The following ANO3 variants were observed in gnomAD, a reference collection of about 807,000 sequenced individuals.
ANO3 encodes the protein anoctamin-3.
A neutral mutation model predicts 144.8 loss-of-function variants in ANO3; 99 were observed. The observed-to-expected ratio is 0.68, with a 90% CI of 0.58 to 0.81. The LOEUF is 0.81. ANO3 is among the 30% of genes least tolerant of loss of function. The pLI, the probability that ANO3 is intolerant of heterozygous loss-of-function variation, is 0.00. For missense variants in ANO3, 905 were observed against 1,202.2 expected (o/e 0.75, Z 3.66); for synonymous variants, 414 against 392.6 (o/e 1.05, Z -0.64).
intron 1 of ANO3, among the ~76,000 whole-genome samples, chr11:26,296,394 G>A (rs1178504269): frequency 6.6e-6 from 1 of 152,134 alleles, no homozygotes; most frequent in Non-Finnish European, 1.5e-5. Context: ...TGCTTTGGGG[G>A]ATTATGAATA....
At chr11:26,240,478 G>A (rs1852639263) in intron 1 of ANO3, among the ~76,000 whole-genome samples, 1 of 152,132 alleles carries the variant, frequency 6.6e-6, no homozygotes, top group African/African-American at 2.4e-5. Context: ...GTATGTGAAA[G>A]CTGAAAACTG....
intron 1 of ANO3, among the ~76,000 whole-genome samples, chr11:26,222,777 C>T (rs569984622): frequency 1.4e-4 from 22 of 152,214 alleles, no homozygotes; most frequent in Non-Finnish European, 2.6e-4. Flanking sequence ...TCCCCTTGAA[C>T]TGAGGCTAGA....
At position 26,598,365 on chromosome 11, in the gene ANO3, C is replaced by T; in HGVS notation, c.1448C>T (p.Ala483Val). The change falls in exon 15 of 27, where the codon GCC (alanine) becomes GTC (valine). Residue 483 changes from alanine (A) to valine (V), a missense_variant and splice_region_variant. Ala to Val is a moderately conservative substitution (Grantham distance 64). Around this residue, in one of 4 missense-constraint regions of ANO3, gnomAD observed 597 missense variants for 865.1 expected, o/e 0.69. Transcript: ENST00000256737. ...GAATTATCATTTTTATATTTTATAGCCACAGTCTTCCTGGAGTTTTGGAAA... is the reference window on the plus strand; with the variant it reads ...GAATTATCATTTTTATATTTTATAGTCACAGTCTTCCTGGAGTTTTGGAAA... ...VFFAIFMAIW[A>V]TVFLEFWKRR... 6.6e-7 allele frequency: 1 copy of T among 1,514,078 alleles called. No individual in the cohort carries two copies. The highest frequency in any genetic ancestry group is 8.9e-7 in the Non-Finnish European group (1 of 1,128,114). 93.8% of individuals were successfully genotyped at this position (1,514,078 alleles called of 1,614,324 possible).
intron 14 of ANO3, among the ~76,000 whole-genome samples, chr11:26,597,666 G>C (rs886538517): frequency 2.6e-5 from 4 of 152,178 alleles, no homozygotes; most frequent in Non-Finnish European, 4.4e-5. Context: ...GGGACCCAAA[G>C]AGGGTTGCCC....
chr11:26,219,561 G>A (rs188678161), intron 1 of ANO3, among the ~76,000 whole-genome samples: 3 of 152,028 alleles, frequency 2.0e-5, no homozygotes, highest in Non-Finnish European at 2.9e-5. Context: ...ACCAATTTTC[G>A]TGGCTGGGGA....
chr11:26,517,469 C>T (rs182831830), intron 6 of ANO3, among the ~76,000 whole-genome samples: 13 of 152,098 alleles, frequency 8.5e-5, no homozygotes, highest in Non-Finnish European at 1.8e-4. Flanking sequence ...AATAGACATC[C>T]GTTTCCCTAT....
chr11:26,489,765 T>C (rs1463974827), intron 4 of ANO3, among the ~76,000 whole-genome samples: 1 of 152,200 alleles, frequency 6.6e-6, no homozygotes, highest in Non-Finnish European at 1.5e-5. Context: ...TTGACTTGCA[T>C]GGGCCCTGTA....
At chr11:26,256,904 G>A (rs1270187445) in intron 1 of ANO3, among the ~76,000 whole-genome samples, 1 of 151,950 alleles carries the variant, frequency 6.6e-6, no homozygotes, top group African/African-American at 2.4e-5. Flanking sequence ...TGTTACCACA[G>A]GAAAGGCAGA....
chr11:26,318,901 T>C (rs1854691085), intron 1 of ANO3, among the ~76,000 whole-genome samples: 1 of 152,212 alleles, frequency 6.6e-6, no homozygotes, highest in Non-Finnish European at 1.5e-5. Flanking sequence ...TACCCATACA[T>C]ATACATAATT....
At chr11:26,496,208 CT>C (rs755408244) in intron 4 of ANO3, among the ~76,000 whole-genome samples, 2 of 152,180 alleles carry the variant, frequency 1.3e-5, no homozygotes, top group African/African-American at 2.4e-5. Flanking sequence ...GCTTTTCCTT[CT>C]TTTCAGGCAC....
rs568748410 is a variant in ANO3, at chr11:26,376,718, G to A, written c.46+44397G>A. Among the ~76,000 whole-genome samples, 368 of 152,106 alleles carry A rather than the reference G, an allele frequency of 2.4e-3. 3 individuals are homozygous for A. Among genetic ancestry groups the A allele is most frequent in the Non-Finnish European group, 3.8e-3 (260 of 67,978 alleles). ...TGTGATTGGTCATGGATCCTGATGC[G>A]CAACTGTTATTTTGGTAGTAATTTG... On this transcript the variant is annotated intron_variant, in intron 1 of 26. Coordinates refer to ENST00000256737, the MANE Select transcript of ANO3 (RefSeq NM_031418.4).
intron 1 of ANO3, among the ~76,000 whole-genome samples, chr11:26,411,300 GAGA>G (rs1857425083): frequency 2.0e-5 from 3 of 151,992 alleles, no homozygotes; most frequent in Admixed American, 2.0e-4. Context: ...CTATAGTCAA[GAGA>G]AGGAGACATT....
chr11:26,478,470 A>G (rs1184653762), intron 4 of ANO3, among the ~76,000 whole-genome samples: 3 of 152,052 alleles, frequency 2.0e-5, no homozygotes, highest in Non-Finnish European at 2.9e-5. Flanking sequence ...CTCTTTCCCT[A>G]CTTGAAGCTA....
Position 26,423,979 on chromosome 11 carries a change from G to GT in ANO3, c.47-17929dup, listed in dbSNP as rs371492248. On this transcript the variant is annotated intron_variant, in intron 1 of 26. Transcript: ENST00000256737. Reference sequence around the variant, plus strand: ...TATGACGTAGGCATTGTTTAAAAATGTTTTTTTTTTAATTTTGGCAAATGC... The same window carrying GT: ...TATGACGTAGGCATTGTTTAAAAATGTTTTTTTTTTTAATTTTGGCAAATGC... Among the ~76,000 whole-genome samples the GT allele has an allele frequency of 2.6e-3, 383 of 148,124 alleles. 3 individuals are homozygous for GT. Among genetic ancestry groups the GT allele is most frequent in the East Asian group, 9.7e-3 (49 of 5,062 alleles).
chr11:26,498,551 T>A (rs1486657011), intron 4 of ANO3, among the ~76,000 whole-genome samples: 1 of 149,702 alleles, frequency 6.7e-6, no homozygotes, highest in Non-Finnish European at 1.5e-5. Context: ...ATAATTAAAA[T>A]TAATAATAAT....
At chr11:26,482,507 C>A (rs892421952) in intron 4 of ANO3, among the ~76,000 whole-genome samples, 6 of 149,768 alleles carry the variant, frequency 4.0e-5, no homozygotes, top group Non-Finnish European at 7.4e-5. Context: ...AATTATCTGA[C>A]TTGAGATGTT....
At chr11:26,509,130 C>T (rs1178093913) in intron 5 of ANO3, among the ~76,000 whole-genome samples, 1 of 149,918 alleles carries the variant, frequency 6.7e-6, no homozygotes, top group African/African-American at 2.5e-5. Context: ...TATTATTCTG[C>T]TGTTCACTCT....
chr11:26,584,298 AC>A lies in ANO3; in HGVS notation c.1448-14066del, dbSNP rs1851216532. Among the ~76,000 whole-genome samples, 2 of 152,104 alleles carry A rather than the reference AC, an allele frequency of 1.3e-5. 1 individual carries two copies. Among genetic ancestry groups the A allele is most frequent in the Non-Finnish European group, 2.9e-5 (2 of 68,022 alleles). On this transcript the variant is annotated intron_variant, in intron 14 of 26. Coordinates refer to ENST00000256737, the MANE Select transcript of ANO3 (RefSeq NM_031418.4). ...CTCAGCCTCCCATGTAGCTGGGATT[AC>A]AGGTGTCTGCCACCATGCCCGGCTA...
At chr11:26,242,728 A>G (rs189580982) in intron 1 of ANO3, among the ~76,000 whole-genome samples, 349 of 152,312 alleles carry the variant, frequency 2.3e-3, no homozygotes, top group African/African-American at 7.9e-3. Flanking sequence ...AGTTAGTTAC[A>G]CAATCTGATT....
Sources: gnomAD v4.1 joint callset for allele counts (sites outside exome capture counted in the v4.1 genomes callset) on GRCh38, gnomAD v4.1.1 for gene constraint, gnomAD v4.1.1 regional missense constraint, MANE v1.5 for transcripts, NCBI Gene and HGNC (gene_info 2026-07-23, HGNC 2026-07-21) for gene names.